NIN: variants seen among roughly 807,000 people sequenced by gnomAD.
The protein encoded by NIN is ninein.
In NIN, 137 loss-of-function variants were observed where a neutral mutation model predicts 257.6. The observed-to-expected ratio is 0.53, with a 90% CI of 0.46 to 0.61. The LOEUF (loss-of-function observed/expected upper bound fraction) is 0.61, where lower values mean the gene tolerates loss of function less well. NIN is among the 20% of genes least tolerant of loss of function. The pLI is 0.00. For synonymous variants in NIN, 918 were observed against 919.8 expected, an observed-to-expected ratio of 1.00 and a Z score of 0.04; for missense variants, 2,439 against 2,501.2, an observed-to-expected ratio of 0.98 and a Z score of 0.53.
chr14:50,751,150 A>G (rs887311088), intron 21 of NIN, among the ~76,000 whole-genome samples: 4 of 152,034 alleles, frequency 2.6e-5, no homozygotes, highest in Admixed American at 1.3e-4. Flanking sequence ...CATAACCCCC[A>G]CATGTATTCA....
intron 3 of NIN, among the ~76,000 whole-genome samples, chr14:50,818,457 T>C (rs1205352085): frequency 1.3e-5 from 2 of 152,102 alleles, no homozygotes; most frequent in Admixed American, 1.3e-4. Context: ...CTACAATTAG[T>C]ATGATTGCTT....
chr14:50,791,895 T>C (rs939738210), intron 5 of NIN, among the ~76,000 whole-genome samples: 4 of 152,094 alleles, frequency 2.6e-5, no homozygotes, highest in African/African-American at 9.7e-5. Context: ...TTTGTTTCTT[T>C]TCCAATTTAT....
intron 23 of NIN, 152 bp downstream of exon 23, chr14:50,744,091 T>C (rs1474120163): frequency 9.9e-6 from 7 of 709,518 alleles, no homozygotes; most frequent in Admixed American, 7.6e-5. Flanking sequence ...CTGCAGGAAG[T>C]CTGGGGTCAC....
At chr14:50,824,055 G>T (rs2045353878) in intron 2 of NIN, among the ~76,000 whole-genome samples, 1 of 152,176 alleles carries the variant, frequency 6.6e-6, no homozygotes, top group African/African-American at 2.4e-5. Context: ...GTCTCACTCT[G>T]AGTTTTACAG....
At chr14:50,769,712 G>C (rs1041169471) in intron 12 of NIN, among the ~76,000 whole-genome samples, 8 of 152,142 alleles carry the variant, frequency 5.3e-5, no homozygotes, top group African/African-American at 1.9e-4. Context: ...ATGTTGGCCA[G>C]GCTGGTCTCG....
At chr14:50,741,468 A>AAAT in intron 25 of NIN, 114 bp downstream of exon 25, 1 of 803,422 alleles carries the variant, frequency 1.2e-6, no homozygotes, top group Non-Finnish European at 2.0e-6. Flanking sequence ...CAGATACATA[A>AAAT]AATATGCATA....
intron 22 of NIN, among the ~76,000 whole-genome samples, chr14:50,747,738 TAA>T (rs112215274): frequency 2.6e-5 from 3 of 114,252 alleles, no homozygotes; most frequent in African/African-American, 6.4e-5. Flanking sequence ...GAAACTGTCT[TAA>T]AAAAAAAAAA....
Position 50,757,508 on chromosome 14 carries a change from T to C in NIN, c.3522A>G (p.Glu1174=). The C allele has an allele frequency of 1.2e-6, 2 of 1,614,056 alleles. No individual in the cohort carries two copies. The highest frequency in any genetic ancestry group is 8.5e-7 in the Non-Finnish European group (1 of 1,179,968). The part of the protein sequence containing the change: ...QRQEVKIEES[E]ASVEGFSELE... ...GCTCAGAAAAACCCTCTACTGAAGC[T>C]TCAGACTCCTCTATTTTGACTTCCT... The change falls in exon 18 of 31, where the codon GAA becomes GAG. Residue 1174 remains glutamate, a synonymous_variant. Coordinates refer to ENST00000530997, the MANE Select transcript of NIN (RefSeq NM_020921.4).
At chr14:50,727,876 C>A in intron 29 of NIN, 3 of 643,392 alleles carry the variant, frequency 4.7e-6, no homozygotes, top group South Asian at 1.5e-5. Context: ...ACTACATAGG[C>A]AAGCAAAGCA....
At chr14:50,743,810 T>A (rs1293306265) in intron 23 of NIN, among the ~76,000 whole-genome samples, 1 of 152,050 alleles carries the variant, frequency 6.6e-6, no homozygotes, top group Non-Finnish European at 1.5e-5. Flanking sequence ...TGGAAGGCCA[T>A]TAAAAATCTC....
intron 6 of NIN, among the ~76,000 whole-genome samples, chr14:50,778,323 A>G (rs2042998220): frequency 6.6e-6 from 1 of 152,102 alleles, no homozygotes; most frequent in Admixed American, 6.5e-5. Context: ...GACGACAGGC[A>G]TGTGCTACCA....
In NIN at chr14:50,760,221, G is replaced by A. The variant is rs751507900; in HGVS notation, c.2035C>T (p.Leu679Phe). Reference protein sequence around the residue: ...ISDLKNEIAELQGQAAVLKEA... With the variant: ...ISDLKNEIAEFQGQAAVLKEA... ...TTGAGCACTGCTGCTTGCCCCTGAA[G>A]TTCAGCAATTTCATTTTTAAGGTCA... The change falls in exon 17 of 31, where the codon CTT becomes TTT. Residue 679 changes from leucine to phenylalanine, a missense_variant. Physicochemically the swap from Leu to Phe is conservative, Grantham distance 22 (BLOSUM62 0). Transcript: ENST00000530997. 1 of 1,613,686 alleles carries A rather than the reference G, an allele frequency of 6.2e-7. No homozygotes were observed. Among genetic ancestry groups the A allele is most frequent in the Admixed American group, 1.7e-5 (1 of 60,024 alleles).
At position 50,747,147 on chromosome 14, in the gene NIN, G is replaced by A. The variant is rs116580792; in HGVS notation, c.5064+845C>T. On this transcript the variant is annotated intron_variant, in intron 22 of 30. Transcript: ENST00000530997. ...TGGGATTACAGGCATGAGCCACTGCGCCTGGCCTAAAGTTAAGCCTTTGTT... is the reference window on the plus strand; with the variant it reads ...TGGGATTACAGGCATGAGCCACTGCACCTGGCCTAAAGTTAAGCCTTTGTT... 6.9e-3 allele frequency among the ~76,000 whole-genome samples: 1,047 copies of A among 152,242 alleles called. 15 individuals are homozygous for A. Among genetic ancestry groups the A allele is most frequent in the African/African-American group, 0.023 (953 of 41,544 alleles).
At chr14:50,776,017 A>C (rs1264592513) in intron 7 of NIN, among the ~76,000 whole-genome samples, 1 of 152,186 alleles carries the variant, frequency 6.6e-6, no homozygotes, top group Non-Finnish European at 1.5e-5. Context: ...ATTTGTTTAG[A>C]AAAATACCAC....
chr14:50,738,199 A>G lies in NIN; in HGVS notation c.5716T>C (p.Leu1906=), dbSNP rs751854959. The G allele has an allele frequency of 1.9e-6, 3 of 1,613,930 alleles. No homozygotes were observed. Among genetic ancestry groups the G allele is most frequent in the East Asian group, 4.5e-5 (2 of 44,868 alleles). Residue 1906 remains leucine (L), a synonymous_variant, in exon 27 of 31, where the codon TTG becomes CTG. Coordinates refer to ENST00000530997, the MANE Select transcript of NIN (RefSeq NM_020921.4). Reference sequence around the variant, plus strand: ...TGATCACACTCTCTCTTTAAGCTCAATTTTTCTTGCTCTGTGGGATTCATG... The same window carrying G: ...TGATCACACTCTCTCTTTAAGCTCAGTTTTTCTTGCTCTGTGGGATTCATG... The part of the protein sequence containing the change: ...GTMNPTEQEK[L]SLKRECDQFQ...
chr14:50,729,160 T>G (rs2040561389), intron 29 of NIN, among the ~76,000 whole-genome samples: 1 of 152,196 alleles, frequency 6.6e-6, no homozygotes, highest in Non-Finnish European at 1.5e-5. Flanking sequence ...ATGACTCAGC[T>G]TAGAAGCTGA....
chr14:50,775,097 C>T (rs2042871249), intron 7 of NIN, among the ~76,000 whole-genome samples: 1 of 152,168 alleles, frequency 6.6e-6, no homozygotes, highest in Non-Finnish European at 1.5e-5. Flanking sequence ...GTAGCGAGTG[C>T]TGGGAAACTG....
chr14:50,725,438 C>T (rs2040371454), intron 30 of NIN, among the ~76,000 whole-genome samples: 1 of 152,104 alleles, frequency 6.6e-6, no homozygotes, highest in Non-Finnish European at 1.5e-5. Context: ...CAAAGTACAT[C>T]TTTTTGGAGT....
At chr14:50,805,302 A>C (rs561232547) in intron 4 of NIN, among the ~76,000 whole-genome samples, 85 of 152,198 alleles carry the variant, frequency 5.6e-4, no homozygotes, top group African/African-American at 2.0e-3. Flanking sequence ...ATAAAATGAG[A>C]CCATATAAAA....
Sources: allele counts gnomAD v4.1 joint callset (sites outside exome capture counted in the v4.1 genomes callset), GRCh38; gene constraint gnomAD v4.1.1; transcripts MANE v1.5; gene names NCBI Gene and HGNC (gene_info 2026-07-23, HGNC 2026-07-21).